FANCA: variants seen among roughly 807,000 people sequenced by gnomAD.
FANCA encodes the protein Fanconi anemia group A protein.
Under a neutral mutation model 194.3 loss-of-function variants are expected in FANCA, and 236 were observed. That is an observed-to-expected ratio of 1.21 (90% CI 1.09 to 1.35). The LOEUF (loss-of-function observed/expected upper bound fraction) is 1.35, where lower values mean the gene tolerates loss of function less well. FANCA is among the 40% of genes most tolerant of loss of function. FANCA has a pLI of 0.00. For missense variants in FANCA, 2,628 were observed against 1,813.9 expected, an observed-to-expected ratio of 1.45 and a Z score of -8.15; for synonymous variants, 1,014 against 715.8, an observed-to-expected ratio of 1.42 and a Z score of -6.65.
intron 36 of FANCA, 186 bp downstream of exon 36, chr16:89,744,773 C>T (rs1188018756): frequency 4.2e-5 from 27 of 647,792 alleles, no homozygotes; most frequent in African/African-American, 8.9e-5. Flanking sequence ...TCTCCTGCCT[C>T]GGCCTCCCCA....
At chr16:89,780,019 G>T in intron 17 of FANCA, 62 bp from the exon 18 acceptor site, 3 of 1,425,816 alleles carry the variant, frequency 2.1e-6, no homozygotes, top group Non-Finnish European at 2.0e-6. Flanking sequence ...AGACTGAGCA[G>T]TGAAGGCCAC....
chr16:89,805,941 T>G (rs1454379479), intron 6 of FANCA, among the ~76,000 whole-genome samples: 1 of 152,040 alleles, frequency 6.6e-6, no homozygotes, highest in East Asian at 1.9e-4. Context: ...TGAAACAGTT[T>G]TGCTCTTGTC....
Position 89,739,501 on chromosome 16 carries a change from C to T in FANCA, c.3987G>A (p.Arg1329=). 1 of 1,551,388 alleles carries T rather than the reference C, an allele frequency of 6.4e-7. No individual in the cohort carries two copies. Among genetic ancestry groups the T allele is most frequent in the South Asian group, 1.2e-5 (1 of 84,092 alleles). The stretch of plus-strand genomic sequence containing the variant: ...ACCTGTAAAAAGCGAAAGGCAGCAG[C>T]CTGGTGTGCTGATCCGGGGCCACAC... ...LLRVAPDQHT[R]LLPFAFYSLL... The change falls in exon 40 of 43, where the codon AGG becomes AGA. Residue 1329 remains arginine (R), a synonymous_variant. Transcript: ENST00000389301.
chr16:89,783,115 A>G lies in FANCA; in HGVS notation c.1471-13T>C, dbSNP rs1211769217. 1.3e-6 allele frequency: 2 copies of G among 1,590,812 alleles called. No homozygotes were observed. The highest frequency in any genetic ancestry group is 1.7e-4 in the Middle Eastern group (1 of 5,968). The stretch of plus-strand genomic sequence containing the variant: ...GGAGAATGTGCACCTGAGGATAGAT[A>G]GCAGAGCGCAGCACCGTTAGTCTGG... On this transcript the variant is annotated splice_polypyrimidine_tract_variant and intron_variant, in intron 15 of 42. Transcript: ENST00000389301.
intron 30 of FANCA, 39 bp downstream of exon 30, chr16:89,758,538 G>A (rs755083426): frequency 1.9e-6 from 3 of 1,607,852 alleles, no homozygotes; most frequent in African/African-American, 2.7e-5. Context: ...TATTAGTCCT[G>A]TCCCTCCAGA....
chr16:89,767,671 C>G (rs974892314), intron 26 of FANCA, among the ~76,000 whole-genome samples: 1 of 152,180 alleles, frequency 6.6e-6, no homozygotes, highest in Non-Finnish European at 1.5e-5. Context: ...GCCTCAGTCT[C>G]CCGAGTAGCT....
At chr16:89,758,188 A>T (rs957473990) in intron 30 of FANCA, among the ~76,000 whole-genome samples, 2 of 152,186 alleles carry the variant, frequency 1.3e-5, no homozygotes, top group Admixed American at 6.5e-5. Flanking sequence ...GTCTATACAC[A>T]TAAAGAAACA....
At chr16:89,768,443 G>C (rs546312765) in intron 26 of FANCA, among the ~76,000 whole-genome samples, 1 of 152,196 alleles carries the variant, frequency 6.6e-6, no homozygotes, top group Non-Finnish European at 1.5e-5. Context: ...ATCACTTGAG[G>C]TCAGGAGTTC....
At chr16:89,801,054 GA>G (rs1276747035) in intron 8 of FANCA, among the ~76,000 whole-genome samples, 2 of 132,526 alleles carry the variant, frequency 1.5e-5, no homozygotes, top group Non-Finnish European at 3.2e-5. Context: ...AAAGAAAAAA[GA>G]AAAAAAAAGG....
At chr16:89,773,972 C>A (rs572445657) in intron 21 of FANCA, among the ~76,000 whole-genome samples, 2 of 151,930 alleles carry the variant, frequency 1.3e-5, no homozygotes, top group Admixed American at 6.6e-5. Flanking sequence ...GATTTCACCA[C>A]GTTGGCCAAG....
At chr16:89,779,078 T>C in intron 18 of FANCA, 75 bp from the exon 19 acceptor site, 1 of 1,426,706 alleles carries the variant, frequency 7.0e-7, no homozygotes. Flanking sequence ...TGACCGGTGT[T>C]TCAGAGAGTG....
intron 2 of FANCA, among the ~76,000 whole-genome samples, chr16:89,815,284 A>G (rs1598201055): frequency 7.8e-6 from 1 of 128,066 alleles, no homozygotes; most frequent in Admixed American, 8.2e-5. Flanking sequence ...TGATCTACCC[A>G]CTTCGGCCTC....
intron 17 of FANCA, among the ~76,000 whole-genome samples, chr16:89,780,488 G>A (rs944385497): frequency 6.6e-6 from 1 of 152,038 alleles, no homozygotes; most frequent in Non-Finnish European, 1.5e-5. Context: ...GCCAGGTGTA[G>A]AGGCATGAGC....
At chr16:89,749,421 T>C (rs984795379) in intron 32 of FANCA, among the ~76,000 whole-genome samples, 3 of 152,250 alleles carry the variant, frequency 2.0e-5, no homozygotes, top group Non-Finnish European at 2.9e-5. Context: ...GACATGGCGT[T>C]TCGCCATGTT....
At chr16:89,765,943 AAAGCTTCTCAGTTGATTCTAATGTG>A (rs1348669754) in intron 27 of FANCA, among the ~76,000 whole-genome samples, 2 of 152,216 alleles carry the variant, frequency 1.3e-5, no homozygotes, top group Admixed American at 6.5e-5. Context: ...TATAGTTTCA[AAAGCTTCTCAGTTGATTCTAATGTG>A]AAGCCTGAAG....
intron 5 of FANCA, among the ~76,000 whole-genome samples, chr16:89,809,463 C>T (rs1044400034): frequency 2.0e-5 from 3 of 152,026 alleles, no homozygotes; most frequent in Non-Finnish European, 2.9e-5. Context: ...ACCTGTAATC[C>T]CAGCACTTGG....
chr16:89,784,301 G>A (rs2039820957), intron 15 of FANCA, among the ~76,000 whole-genome samples: 2 of 150,866 alleles, frequency 1.3e-5, no homozygotes, highest in South Asian at 4.2e-4. Context: ...GACCTGGGAG[G>A]TCTAGGCTAC....
chr16:89,809,924 G>C (rs2040810652), intron 5 of FANCA, among the ~76,000 whole-genome samples: 1 of 152,116 alleles, frequency 6.6e-6, no homozygotes, highest in African/African-American at 2.4e-5. Flanking sequence ...TACTAAGGTG[G>C]CTGAGGCAGG....
At chr16:89,765,090 G>T in intron 27 of FANCA, 24 bp from the exon 28 acceptor site, 1 of 1,613,350 alleles carries the variant, frequency 6.2e-7, no homozygotes, top group Non-Finnish European at 8.5e-7. Flanking sequence ...TGACCCGGCC[G>T]TTTCTTCATT....
Sources: allele counts gnomAD v4.1 joint callset (sites outside exome capture counted in the v4.1 genomes callset), GRCh38; gene constraint gnomAD v4.1.1; transcripts MANE v1.5; gene names NCBI Gene and HGNC (gene_info 2026-07-23, HGNC 2026-07-21).